Variants in HYCC2 observed in about 807,000 individuals in gnomAD.
HYCC2 encodes the protein hyccin 2.
chr2:201,021,623 A>C, the HYCC2 span: 3 of 171,916 alleles, frequency 1.7e-5, no homozygotes, highest in Non-Finnish European at 2.5e-5. Flanking sequence ...ACATGATAAA[A>C]TACTAGATTC....
the HYCC2 span, among the ~76,000 whole-genome samples, chr2:201,033,371 A>ATTTATTTTATTTTATTTTAT: frequency 1.2e-4 from 17 of 144,048 alleles, no homozygotes; most frequent in African/African-American, 4.2e-4. Flanking sequence ...TGCTTGGCTA[A>ATTTATTTTATTTTATTTTAT]TTTATTTTAT....
the HYCC2 span, chr2:200,997,379 T>C: frequency 8.5e-7 from 1 of 1,175,084 alleles, no homozygotes; most frequent in Admixed American, 1.8e-5. Context: ...GTGCTTGGCT[T>C]AGAGAATGTG....
At chr2:201,029,138 C>T in the HYCC2 span, among the ~76,000 whole-genome samples, 11 of 152,140 alleles carry the variant, frequency 7.2e-5, no homozygotes, top group South Asian at 2.1e-4. Flanking sequence ...CATCAAAAAG[C>T]GGGCAAAGCA....
the HYCC2 span, among the ~76,000 whole-genome samples, chr2:200,986,775 G>A: frequency 6.6e-6 from 1 of 152,124 alleles, no homozygotes; most frequent in Non-Finnish European, 1.5e-5. Flanking sequence ...TAGTTTACTA[G>A]TTAGGCCTAA....
the HYCC2 span, among the ~76,000 whole-genome samples, chr2:201,001,526 C>T: frequency 6.6e-6 from 1 of 152,150 alleles, no homozygotes; most frequent in Non-Finnish European, 1.5e-5. Flanking sequence ...AGTACTGATA[C>T]ATTCTACCAC....
the HYCC2 span, among the ~76,000 whole-genome samples, chr2:201,021,086 T>C: frequency 6.6e-6 from 1 of 152,182 alleles, no homozygotes; most frequent in African/African-American, 2.4e-5. Context: ...GTTTAATTCA[T>C]ACTAAATATG....
At chr2:200,988,557 G>T in the HYCC2 span, 1 of 556,010 alleles carries the variant, frequency 1.8e-6, no homozygotes. Flanking sequence ...TTGTTGTTCT[G>T]TATTCTTTTA....
chr2:201,042,566 G>A, the HYCC2 span, among the ~76,000 whole-genome samples: 4 of 150,668 alleles, frequency 2.7e-5, no homozygotes, highest in African/African-American at 9.8e-5. Context: ...TCTCTGACCA[G>A]CCGCCCCGTC....
At chr2:201,066,471 ATAAAC>A in the HYCC2 span, among the ~76,000 whole-genome samples, 1 of 152,180 alleles carries the variant, frequency 6.6e-6, no homozygotes, top group East Asian at 1.9e-4. Flanking sequence ...TTTAAAAAGT[ATAAAC>A]TAATAAATAA....
At chr2:201,046,548 C>T in the HYCC2 span, among the ~76,000 whole-genome samples, 1 of 151,970 alleles carries the variant, frequency 6.6e-6, no homozygotes, top group South Asian at 2.1e-4. Context: ...TCTTTTTGTA[C>T]CTTGGGAATT....
the HYCC2 span, among the ~76,000 whole-genome samples, chr2:201,028,028 C>T: frequency 6.6e-6 from 1 of 152,174 alleles, no homozygotes. Flanking sequence ...CAAATTGTCC[C>T]TCTTTGCAGA....
chr2:200,990,990 G>A, the HYCC2 span, among the ~76,000 whole-genome samples: 2 of 152,240 alleles, frequency 1.3e-5, no homozygotes, highest in Admixed American at 6.5e-5. Context: ...TTACAGGCAT[G>A]AGCCACTGCA....
the HYCC2 span, among the ~76,000 whole-genome samples, chr2:201,070,432 C>G: frequency 6.6e-6 from 1 of 152,078 alleles, no homozygotes; most frequent in African/African-American, 2.4e-5. Flanking sequence ...GCGGGCGGAT[C>G]ATCTGACGTC....
chr2:201,016,892 C>G, the HYCC2 span: 5 of 1,237,324 alleles, frequency 4.0e-6, no homozygotes, highest in East Asian at 1.2e-4. Flanking sequence ...TGAGCCACTG[C>G]GCCTGGCCAA....
At chr2:200,996,027 TC>T in the HYCC2 span, 7 of 147,676 alleles carry the variant, frequency 4.7e-5, no homozygotes, top group South Asian at 8.9e-4. Flanking sequence ...TTTTCTTTTT[TC>T]TTTTTTTTTT....
chr2:201,016,655 A>G, the HYCC2 span, among the ~76,000 whole-genome samples: 1 of 149,864 alleles, frequency 6.7e-6, no homozygotes, highest in African/African-American at 2.5e-5. Flanking sequence ...GCTGGAGTGC[A>G]GTGGTACAAT....
chr2:201,014,267 T>G, the HYCC2 span, among the ~76,000 whole-genome samples: 1 of 152,182 alleles, frequency 6.6e-6, no homozygotes, highest in Admixed American at 6.5e-5. Context: ...AATTCCATTA[T>G]TAAATCAACA....
At chr2:201,036,006 G>C in the HYCC2 span, among the ~76,000 whole-genome samples, 4 of 152,084 alleles carry the variant, frequency 2.6e-5, no homozygotes, top group South Asian at 2.1e-4. Context: ...GTGTCAGTCT[G>C]TCCCTACTGG....
the HYCC2 span, chr2:200,997,388 T>C: frequency 1.6e-6 from 2 of 1,235,996 alleles, no homozygotes; most frequent in African/African-American, 3.0e-5. Flanking sequence ...TTAGAGAATG[T>C]GCTCAATAAA....
Sources: allele counts gnomAD v4.1 joint callset (sites outside exome capture counted in the v4.1 genomes callset), GRCh38; gene constraint gnomAD v4.1.1; transcripts MANE v1.5; gene names NCBI Gene and HGNC (gene_info 2026-07-23, HGNC 2026-07-21).